The following OSTM1 variants were observed in gnomAD, a reference collection of about 807,000 sequenced individuals.
The protein encoded by OSTM1 is osteoclastogenesis associated transmembrane protein 1.
In OSTM1, 26 loss-of-function variants were observed where a neutral mutation model predicts 35.4. The ratio of observed to expected loss-of-function variants is 0.73; its 90% CI spans 0.54 to 1.02. OSTM1 has a LOEUF of 1.02. Among genes scored for constraint, OSTM1 ranks in the 50% least tolerant of loss-of-function variants. The probability of loss-of-function intolerance (pLI) is 0.00; values close to 1 mark genes in which losing one functional copy is unlikely to be tolerated. For missense variants in OSTM1, 366 were observed against 409.6 expected (o/e 0.89, Z 0.92); for synonymous variants, 181 against 165.0 (o/e 1.10, Z -0.75).
At chr6:108,061,140 T>C (rs1249863000) in intron 2 of OSTM1, among the ~76,000 whole-genome samples, 1 of 143,722 alleles carries the variant, frequency 7.0e-6, no homozygotes, top group East Asian at 2.1e-4. Context: ...AAGTAAAGGA[T>C]ATGCTAAAAA....
chr6:108,052,163 G>A (rs765116225), intron 3 of OSTM1, among the ~76,000 whole-genome samples: 19 of 152,076 alleles, frequency 1.2e-4, no homozygotes, highest in Admixed American at 5.2e-4. Context: ...GGCTGGGCGC[G>A]ATGGTTCACA....
chr6:108,065,364 C>T (rs1455844473), intron 1 of OSTM1, among the ~76,000 whole-genome samples: 8 of 151,634 alleles, frequency 5.3e-5, no homozygotes, highest in African/African-American at 1.5e-4. Flanking sequence ...CTTAGCCGCC[C>T]GAGCAGCTGG....
intron 1 of OSTM1, among the ~76,000 whole-genome samples, chr6:108,072,244 T>C (rs949467224): frequency 2.0e-5 from 3 of 152,228 alleles, no homozygotes; most frequent in African/African-American, 7.2e-5. Flanking sequence ...TTGGGTACTT[T>C]ATTTTAAAGT....
Position 108,064,316 on chromosome 6 carries a change from A to G in OSTM1, c.403-17T>C. ...TGAAGTATTCTGTAACAAAAAGAAG[A>G]CAGAAAAATACAATCTGAGTATTTT... On this transcript the variant is annotated splice_polypyrimidine_tract_variant and intron_variant, in intron 1 of 5. Transcript: ENST00000193322. 10 of 1,278,748 alleles carry G rather than the reference A, an allele frequency of 7.8e-6. No individual in the cohort carries two copies. Among genetic ancestry groups the G allele is most frequent in the Non-Finnish European group, 1.1e-5 (10 of 881,436 alleles). The allele number at this position is 1,278,748 out of a possible 1,614,324, so 79.2% of individuals were successfully genotyped here. A position where few individuals can be genotyped will look rare whatever the true frequency, so the allele number is the denominator to read the frequency against.
At chr6:108,064,334 A>C (rs760572647) in intron 1 of OSTM1, 35 bp from the exon 2 acceptor site, 2 of 1,145,464 alleles carry the variant, frequency 1.7e-6, no homozygotes, top group Non-Finnish European at 2.6e-6. Context: ...ATACAATCTG[A>C]GTATTTTCAG....
In OSTM1 at chr6:108,074,571, C is replaced by G; in HGVS notation, c.81G>C (p.Gly27=). Residue 27 remains glycine (G), a synonymous_variant, in exon 1 of 6, where the codon GGG becomes GGC. Transcript: ENST00000193322. ...CGAAGGGGAGCGCGCCCAGGGCCAG[C>G]CCCGACCACAGCAGCAGCCCCAGCG... The part of the protein sequence containing the change: ...WLPLGLLLWS[G]LALGALPFGS... 1 of 1,563,816 alleles carries G rather than the reference C, an allele frequency of 6.4e-7. No homozygotes were observed. The highest frequency in any genetic ancestry group is 8.6e-7 in the Non-Finnish European group (1 of 1,158,124).
Position 108,051,022 on chromosome 6 carries a change from A to G in OSTM1, c.783+9T>C. ...AAAATATGTATCACATCAGAAGCAAAGTACTTACTGCATCTTCCACATCAA... is the reference window on the plus strand; with the variant it reads ...AAAATATGTATCACATCAGAAGCAAGGTACTTACTGCATCTTCCACATCAA... On this transcript the variant is annotated intron_variant, in intron 4 of 5. Transcript: ENST00000193322. 1.9e-6 allele frequency: 3 copies of G among 1,603,210 alleles called. No individual in the cohort carries two copies. The highest frequency in any genetic ancestry group is 2.6e-6 in the Non-Finnish European group (3 of 1,170,354).
At chr6:108,052,726 T>C (rs1389267788) in intron 3 of OSTM1, among the ~76,000 whole-genome samples, 5 of 152,272 alleles carry the variant, frequency 3.3e-5, no homozygotes, top group African/African-American at 1.2e-4. Context: ...AAATCACCTT[T>C]TGACAGACCA....
chr6:108,046,134 T>G (rs1445118390), intron 5 of OSTM1, among the ~76,000 whole-genome samples: 2 of 150,166 alleles, frequency 1.3e-5, no homozygotes, highest in East Asian at 3.9e-4. Context: ...CCCAAGTAGC[T>G]GGGACTACAG....
At chr6:108,053,689 C>T (rs565059076) in intron 3 of OSTM1, among the ~76,000 whole-genome samples, 1 of 152,264 alleles carries the variant, frequency 6.6e-6, no homozygotes, top group African/African-American at 2.4e-5. Flanking sequence ...TGATCTCGAA[C>T]TCCTGACCTC....
At chr6:108,045,254 A>G (rs1771947376) in intron 5 of OSTM1, among the ~76,000 whole-genome samples, 1 of 152,170 alleles carries the variant, frequency 6.6e-6, no homozygotes, top group Non-Finnish European at 1.5e-5. Context: ...CCAACCTGAT[A>G]AAGAGCATGT....
intron 4 of OSTM1, chr6:108,049,709 T>C: frequency 2.7e-6 from 1 of 366,754 alleles, no homozygotes; most frequent in Non-Finnish European, 4.7e-6. Flanking sequence ...AGAACTTATA[T>C]GAAGAGGAAT....
chr6:108,049,582 A>T, intron 4 of OSTM1, 164 bp from the exon 5 acceptor site: 1 of 1,432,120 alleles, frequency 7.0e-7, no homozygotes, highest in Non-Finnish European at 9.1e-7. Context: ...CAGGAAAAAA[A>T]CCTGGTTCAA....
At chr6:108,049,463 G>T in intron 4 of OSTM1, 45 bp from the exon 5 acceptor site, 1 of 1,599,360 alleles carries the variant, frequency 6.3e-7, no homozygotes, top group Non-Finnish European at 8.6e-7. Context: ...TATTTAACTT[G>T]TCTTCAATTT....
chr6:108,045,381 A>G (rs1349625204), intron 5 of OSTM1, among the ~76,000 whole-genome samples: 1 of 152,072 alleles, frequency 6.6e-6, no homozygotes, highest in Non-Finnish European at 1.5e-5. Flanking sequence ...CCACTAATTT[A>G]TCACCAGCGC....
At chr6:108,053,094 C>T (rs1282996581) in intron 3 of OSTM1, among the ~76,000 whole-genome samples, 2 of 152,132 alleles carry the variant, frequency 1.3e-5, no homozygotes, top group Non-Finnish European at 1.5e-5. Context: ...TTCTTATTCC[C>T]TAATAAACTC....
At position 108,044,640 on chromosome 6, in the gene OSTM1, A is replaced by G; in HGVS notation, c.*145T>C. ...GAAGTGGAAAAGGAAAGAAAAATCG[A>G]AAATTCTTATTTAAAAATGGATCTG... is the stretch of plus-strand genomic sequence containing the variant. On this transcript the variant is annotated 3_prime_UTR_variant, in exon 6 of 6. Coordinates refer to ENST00000193322, the MANE Select transcript of OSTM1 (RefSeq NM_014028.4). 1 of 524,130 alleles carries G rather than the reference A, an allele frequency of 1.9e-6. No homozygotes were observed. The highest frequency in any genetic ancestry group is 3.3e-5 in the Admixed American group (1 of 30,384). The allele number at this position is 524,130 out of a possible 1,614,324, so 32.5% of individuals were successfully genotyped here. A position where few individuals can be genotyped will look rare whatever the true frequency, so the allele number is the denominator to read the frequency against.
chr6:108,054,631 C>G (rs777014376), intron 2 of OSTM1, 44 bp from the exon 3 acceptor site: 3 of 886,952 alleles, frequency 3.4e-6, no homozygotes, highest in African/African-American at 3.3e-5. Flanking sequence ...ACTCAAGGAA[C>G]AATTCTATGT....
Position 108,042,130 on chromosome 6 carries a change from A to G in OSTM1, c.*2655T>C, listed in dbSNP as rs973578631. ...ATTTACCAACTAGACTCTGGGCTAC[A>G]CTTTAAAATATCTGATGTTCAGCCA... is the stretch of plus-strand genomic sequence containing the variant. On this transcript the variant is annotated 3_prime_UTR_variant, in exon 6 of 6. Coordinates refer to ENST00000193322, the MANE Select transcript of OSTM1 (RefSeq NM_014028.4). The G allele has an allele frequency of 6.6e-6, 1 of 151,666 alleles. No individual in the cohort carries two copies. The highest frequency in any genetic ancestry group is 1.5e-5 in the Non-Finnish European group (1 of 67,934). 9.4% of individuals were successfully genotyped at this position (151,666 alleles called of 1,614,324 possible). A position where few individuals can be genotyped will look rare whatever the true frequency, so the allele number is the denominator to read the frequency against.
Sources: allele counts gnomAD v4.1 joint callset (sites outside exome capture counted in the v4.1 genomes callset), GRCh38; gene constraint gnomAD v4.1.1; transcripts MANE v1.5; gene names NCBI Gene and HGNC (gene_info 2026-07-23, HGNC 2026-07-21).